Variants in GRID2 observed in about 807,000 individuals in gnomAD.
The protein encoded by GRID2 is glutamate receptor ionotropic, delta-2.
In GRID2, 33 loss-of-function variants were observed where a neutral mutation model predicts 114.8. The ratio of observed to expected loss-of-function variants is 0.29; its 90% CI spans 0.22 to 0.38. GRID2 has a LOEUF of 0.38. Among genes scored for constraint, GRID2 ranks in the 10% least tolerant of loss-of-function variants. The pLI, the probability that GRID2 is intolerant of heterozygous loss-of-function variation, is 1.00. For missense variants in GRID2, 1,184 were observed against 1,257.7 expected (o/e 0.94, Z 0.89); for synonymous variants, 505 against 449.9 (o/e 1.12, Z -1.55).
chr4:92,354,370 T>C lies in GRID2; in HGVS notation c.88+49626T>C, dbSNP rs201723930. On this transcript the variant is annotated intron_variant, in intron 1 of 15. Coordinates refer to ENST00000282020, the MANE Select transcript of GRID2 (RefSeq NM_001510.4). ...GTTTCTGCTGGTTTTTTTATGTTTC[T>C]GTGGGGTACATGAGCTTGTAGCTGC... Among the ~76,000 whole-genome samples the C allele has an allele frequency of 6.0e-4, 92 of 152,116 alleles. No homozygotes were observed. In the East Asian group the frequency reaches 7.7e-3, roughly 13 times the overall value.
chr4:93,452,462 A>C (rs2149406887), intron 10 of GRID2, among the ~76,000 whole-genome samples: 1 of 152,264 alleles, frequency 6.6e-6, no homozygotes, highest in Admixed American at 6.5e-5. Context: ...ATTTCATTTT[A>C]ACAAGAAACA....
At chr4:93,056,179 G>A (rs954590961) in intron 2 of GRID2, among the ~76,000 whole-genome samples, 7 of 151,872 alleles carry the variant, frequency 4.6e-5, no homozygotes, top group Admixed American at 3.3e-4. Flanking sequence ...AACTGAAAAG[G>A]AAAAGTATTT....
chr4:92,559,899 T>A (rs2149181014), intron 1 of GRID2, among the ~76,000 whole-genome samples: 1 of 152,352 alleles, frequency 6.6e-6, no homozygotes, highest in Admixed American at 6.5e-5. Context: ...TAATTAATTT[T>A]AATTTTTTAC....
chr4:93,165,001 C>A (rs1738112141), intron 4 of GRID2, among the ~76,000 whole-genome samples: 1 of 151,968 alleles, frequency 6.6e-6, no homozygotes, highest in South Asian at 2.1e-4. Flanking sequence ...AGCAGGAAGA[C>A]CCTGGAGAAG....
chr4:92,486,847 T>A lies in GRID2; in HGVS notation c.89-103284T>A, dbSNP rs1039062549. 9.9e-5 allele frequency among the ~76,000 whole-genome samples: 15 copies of A among 152,060 alleles called. No homozygotes were observed. The South Asian group carries it at 2.5e-3, about 25-fold the overall frequency. On this transcript the variant is annotated intron_variant, in intron 1 of 15. Coordinates refer to ENST00000282020, the MANE Select transcript of GRID2 (RefSeq NM_001510.4). Reference sequence around the variant, plus strand: ...ACAGATGCTTAACATCTCTAAAAAATTTTTAATATTAGGTTTTGGTGCAAT... The same window carrying A: ...ACAGATGCTTAACATCTCTAAAAAAATTTTAATATTAGGTTTTGGTGCAAT...
chr4:92,415,765 T>C (rs1731580851), intron 1 of GRID2, among the ~76,000 whole-genome samples: 1 of 137,750 alleles, frequency 7.3e-6, no homozygotes. Flanking sequence ...TATATATATA[T>C]ATATATATAT....
chr4:93,013,954 T>C (rs1722433790), intron 2 of GRID2, among the ~76,000 whole-genome samples: 1 of 151,978 alleles, frequency 6.6e-6, no homozygotes, highest in South Asian at 2.1e-4. Context: ...ATTTACCTGG[T>C]TCTCCAGAAG....
At chr4:92,368,227 G>T (rs1239747557) in intron 1 of GRID2, among the ~76,000 whole-genome samples, 1 of 151,960 alleles carries the variant, frequency 6.6e-6, no homozygotes, top group Non-Finnish European at 1.5e-5. Context: ...CTTTTAAGAG[G>T]CTAACCAGCA....
At position 93,316,283 on chromosome 4, in the gene GRID2, CGAAAGAACGAAAGAAA is replaced by C. The variant is rs1756591181; in HGVS notation, c.1245+77801_1245+77816del. Among the ~76,000 whole-genome samples, 5 of 97,738 alleles carry C rather than the reference CGAAAGAACGAAAGAAA, an allele frequency of 5.1e-5. No individual in the cohort carries two copies. The South Asian group carries it at 1.7e-3, about 34-fold the overall frequency. The allele number at this position is 97,738 out of a possible 152,430, so 64.1% of individuals were successfully genotyped here. On this transcript the variant is annotated intron_variant, in intron 8 of 15. Transcript: ENST00000282020. ...AAAGAAAGAGAAAGAAAGAAAAGAA[CGAAAGAACGAAAGAAA>C]GAAAGAAAGAAAGAAAGAAAGAAAG...
chr4:92,894,667 C>A (rs750051451), intron 2 of GRID2, among the ~76,000 whole-genome samples: 2 of 151,944 alleles, frequency 1.3e-5, no homozygotes, highest in Admixed American at 1.3e-4. Context: ...ATGGGGAACA[C>A]GTTTAAAAGA....
At chr4:92,459,492 A>C (rs1366613702) in intron 1 of GRID2, among the ~76,000 whole-genome samples, 1 of 152,146 alleles carries the variant, frequency 6.6e-6, no homozygotes, top group Non-Finnish European at 1.5e-5. Context: ...TGAGTAAAGA[A>C]ATACAAACGT....
intron 2 of GRID2, among the ~76,000 whole-genome samples, chr4:93,079,574 C>A (rs1729666438): frequency 6.6e-6 from 1 of 151,888 alleles, no homozygotes; most frequent in Admixed American, 6.6e-5. Context: ...CCAACTCTGC[C>A]ATTTACTAGT....
At chr4:93,658,208 T>A (rs1456988181) in intron 14 of GRID2, among the ~76,000 whole-genome samples, 1 of 152,218 alleles carries the variant, frequency 6.6e-6, no homozygotes, top group African/African-American at 2.4e-5. Context: ...TGGACTAATT[T>A]CAATGACTTT....
intron 14 of GRID2, among the ~76,000 whole-genome samples, chr4:93,633,667 A>G (rs1721150366): frequency 6.6e-6 from 1 of 152,070 alleles, no homozygotes; most frequent in African/African-American, 2.4e-5. Context: ...CTTGGTTTCT[A>G]TAATTTTTCA....
chr4:93,501,503 G>A (rs1728104660), intron 12 of GRID2, among the ~76,000 whole-genome samples: 1 of 152,042 alleles, frequency 6.6e-6, no homozygotes, highest in Non-Finnish European at 1.5e-5. Context: ...TCTATTGTTA[G>A]TGTTGAAATG....
In GRID2 at chr4:92,940,475, G is replaced by C. The variant is rs191750008; in HGVS notation, c.245-144520G>C. 3.9e-5 allele frequency among the ~76,000 whole-genome samples: 6 copies of C among 151,952 alleles called. No individual in the cohort carries two copies. The East Asian group carries it at 7.8e-4, about 20-fold the overall frequency. The stretch of plus-strand genomic sequence containing the variant: ...GCTTAAGGAGATTTTGGGCTGAGAC[G>C]ATGGGGTTTTCTAGATATACAATCC... On this transcript the variant is annotated intron_variant, in intron 2 of 15. Coordinates refer to ENST00000282020, the MANE Select transcript of GRID2 (RefSeq NM_001510.4).
Position 93,554,341 on chromosome 4 carries a change from AC to A in GRID2, c.2193+38933del, listed in dbSNP as rs1326004457. Among the ~76,000 whole-genome samples, 7 of 151,998 alleles carry A rather than the reference AC, an allele frequency of 4.6e-5. No homozygotes were observed. The East Asian group carries it at 1.4e-3, about 29-fold the overall frequency. ...CAATTCTCATTACACTTTGGATTTA[AC>A]CCTCTTGATACTATTCGTAGAAGCT... On this transcript the variant is annotated intron_variant, in intron 13 of 15. Transcript: ENST00000282020.
intron 14 of GRID2, among the ~76,000 whole-genome samples, chr4:93,698,600 G>A (rs1727245242): frequency 6.6e-6 from 1 of 152,106 alleles, no homozygotes; most frequent in Admixed American, 6.5e-5. Flanking sequence ...GAAAAATTAT[G>A]CTTAAAGATT....
chr4:92,933,122 T>C (rs1259234684), intron 2 of GRID2, among the ~76,000 whole-genome samples: 1 of 150,690 alleles, frequency 6.6e-6, no homozygotes, highest in Admixed American at 6.7e-5. Flanking sequence ...TTATAGAAAA[T>C]GTGGACAATA....
Sources: allele counts gnomAD v4.1 joint callset (sites outside exome capture counted in the v4.1 genomes callset), GRCh38; gene constraint gnomAD v4.1.1; transcripts MANE v1.5; gene names NCBI Gene and HGNC (gene_info 2026-07-23, HGNC 2026-07-21).